The following PADI3 variants were observed in gnomAD, a reference collection of about 807,000 sequenced individuals.
The protein encoded by PADI3 is peptidyl arginine deiminase 3.
A neutral mutation model predicts 71.5 loss-of-function variants in PADI3; 53 were observed. That is an observed-to-expected ratio of 0.74 (90% CI 0.59 to 0.93). PADI3 has a LOEUF of 0.93. PADI3 is among the 40% of genes least tolerant of loss of function. PADI3 has a pLI of 0.00. For synonymous variants in PADI3, 361 were observed against 347.5 expected, an observed-to-expected ratio of 1.04 and a Z score of -0.43; for missense variants, 821 against 868.0, an observed-to-expected ratio of 0.95 and a Z score of 0.68.
At chr1:17,277,020 A>C (rs1569917815) in intron 13 of PADI3, 144 bp downstream of exon 13, 1 of 665,826 alleles carries the variant, frequency 1.5e-6, no homozygotes, top group African/African-American at 1.8e-5. Context: ...GCCCCTGCAC[A>C]CCTTGCTTCA....
At position 17,266,715 on chromosome 1, in the gene PADI3, G is replaced by T. The variant is rs1326446778; in HGVS notation, c.409-4G>T. The T allele has an allele frequency of 1.9e-6, 3 of 1,612,500 alleles. No homozygotes were observed. The highest frequency in any genetic ancestry group is 2.5e-6 in the Non-Finnish European group (3 of 1,178,612). ...CATCACTGGCTATGTTTTGTCATTG[G>T]CAGCGGCAGTGGGTCTGGGGGCCCA... On this transcript the variant is annotated splice_polypyrimidine_tract_variant and splice_region_variant and intron_variant, in intron 4 of 15. Coordinates refer to ENST00000375460, the MANE Select transcript of PADI3 (RefSeq NM_016233.2).
chr1:17,273,377 A>G lies in PADI3; in HGVS notation c.1085A>G (p.Lys362Arg). The part of the protein sequence containing the change: ...MELGYVQAPH[K>R]TLPVVFDSPR... ...CTGGGCTACGTTCAGGCGCCGCACA[A>G]GACCCTCCCGGTGGTCTTTGACTCC... The change falls in exon 10 of 16, where the codon AAG becomes AGG. Residue 362 changes from lysine (K) to arginine (R), a missense_variant. Coordinates refer to ENST00000375460, the MANE Select transcript of PADI3 (RefSeq NM_016233.2). The G allele has an allele frequency of 2.5e-6, 4 of 1,613,730 alleles. No individual in the cohort carries two copies. The highest frequency in any genetic ancestry group is 3.4e-6 in the Non-Finnish European group (4 of 1,179,882).
chr1:17,262,494 T>A (rs2073115598), intron 3 of PADI3, among the ~76,000 whole-genome samples: 1 of 152,204 alleles, frequency 6.6e-6, no homozygotes, highest in South Asian at 2.1e-4. Flanking sequence ...AATGGATACA[T>A]AAACTCCGTG....
chr1:17,262,390 T>G (rs1271563784), intron 3 of PADI3, among the ~76,000 whole-genome samples, 185 bp downstream of exon 3: 1 of 152,206 alleles, frequency 6.6e-6, no homozygotes, highest in African/African-American at 2.4e-5. Flanking sequence ...TACCTGTATA[T>G]CCCCCCTCTT....
intron 13 of PADI3, among the ~76,000 whole-genome samples, chr1:17,279,977 G>C (rs2073381208): frequency 6.6e-6 from 1 of 152,220 alleles, no homozygotes; most frequent in African/African-American, 2.4e-5. Context: ...AAACCTGACT[G>C]ATGGTGGGTG....
intron 9 of PADI3, 64 bp from the exon 10 acceptor site, chr1:17,273,276 C>A: frequency 7.6e-7 from 1 of 1,309,370 alleles, no homozygotes; most frequent in Non-Finnish European, 1.1e-6. Flanking sequence ...GGCTCAGAGC[C>A]GAGCCAGCAG....
At chr1:17,268,104 G>A in intron 6 of PADI3, 142 bp downstream of exon 6, 1 of 900,402 alleles carries the variant, frequency 1.1e-6, no homozygotes, top group Non-Finnish European at 1.7e-6. Context: ...GTCGCAGTAA[G>A]AACAGTCAGA....
At chr1:17,252,554 C>A (rs1376431912) in intron 1 of PADI3, among the ~76,000 whole-genome samples, 7 of 152,094 alleles carry the variant, frequency 4.6e-5, no homozygotes, top group Non-Finnish European at 8.8e-5. Flanking sequence ...CAGGCGTGCA[C>A]CACCATCCCC....
intron 13 of PADI3, 31 bp downstream of exon 13, chr1:17,276,907 GC>G: frequency 6.4e-7 from 1 of 1,563,718 alleles, no homozygotes; most frequent in South Asian, 1.2e-5. Flanking sequence ...CCTCCTTGCG[GC>G]TTGCCTGCCC....
In PADI3 at chr1:17,276,675, G is replaced by A. The variant is rs770897244; in HGVS notation, c.1452+12G>A. On this transcript the variant is annotated intron_variant, in intron 12 of 15. Transcript: ENST00000375460. ...CCCCCGATGGGAAGGTAAGAACTTC[G>A]TGCATGACGTGTCTTTCCCTGGCAT... 104 of 1,613,908 alleles carry A rather than the reference G, an allele frequency of 6.4e-5. No individual in the cohort carries two copies. Among genetic ancestry groups the A allele is most frequent in the Non-Finnish European group, 8.1e-5 (95 of 1,179,990 alleles).
intron 4 of PADI3, among the ~76,000 whole-genome samples, chr1:17,266,254 T>C (rs2100576303): frequency 6.6e-6 from 1 of 152,288 alleles, no homozygotes; most frequent in South Asian, 2.1e-4. Context: ...GACTGAATTA[T>C]GTTGGAACTT....
Position 17,283,149 on chromosome 1 carries a change from C to A in PADI3, c.*70C>A. 2 of 1,205,006 alleles carry A rather than the reference C, an allele frequency of 1.7e-6. No individual in the cohort carries two copies. Among genetic ancestry groups the A allele is most frequent in the Non-Finnish European group, 2.4e-6 (2 of 825,398 alleles). 74.6% of individuals were successfully genotyped at this position (1,205,006 alleles called of 1,614,324 possible). ...CCCAGGTGGTGGAGACAGAGACAGG[C>A]CCCTGAACGATAAGCACCAAGAGAC... On this transcript the variant is annotated 3_prime_UTR_variant, in exon 16 of 16. Coordinates refer to ENST00000375460, the MANE Select transcript of PADI3 (RefSeq NM_016233.2).
chr1:17,258,710 C>T (rs1206119415), intron 1 of PADI3, among the ~76,000 whole-genome samples: 1 of 152,264 alleles, frequency 6.6e-6, no homozygotes, highest in Admixed American at 6.5e-5. Flanking sequence ...GCTCACCTTA[C>T]AGCTTGTAAG....
In PADI3 at chr1:17,271,758, G is replaced by A. The variant is rs550776715; in HGVS notation, c.1047+580G>A. Among the ~76,000 whole-genome samples, 447 of 149,646 alleles carry A rather than the reference G, an allele frequency of 3.0e-3. 3 individuals carry two copies. The highest frequency in any genetic ancestry group is 0.011 in the African/African-American group (428 of 40,590). ...AGCTACTCTGGAGGCTGAGGTCAGA[G>A]GATCACCTGAGTTTAGGAAGGTCAA... On this transcript the variant is annotated intron_variant, in intron 9 of 15. Coordinates refer to ENST00000375460, the MANE Select transcript of PADI3 (RefSeq NM_016233.2).
chr1:17,279,679 C>A (rs1035937242), intron 13 of PADI3, among the ~76,000 whole-genome samples: 2 of 152,184 alleles, frequency 1.3e-5, no homozygotes, highest in African/African-American at 2.4e-5. Flanking sequence ...TAATGCATAC[C>A]TTGTGGGGGT....
chr1:17,271,169 C>T lies in PADI3; in HGVS notation c.1038C>T (p.Arg346=). ...CACAGGCCGAGAACCGCAACGACCG[C>T]TGGATCCAGGTAACCACAGCCACTG... is the stretch of plus-strand genomic sequence containing the variant. The part of the protein sequence containing the change: ...ICPQAENRND[R]WIQDEMELGY... The change falls in exon 9 of 16, where the codon CGC becomes CGT. Residue 346 remains arginine, a synonymous_variant. Coordinates refer to ENST00000375460, the MANE Select transcript of PADI3 (RefSeq NM_016233.2). The T allele has an allele frequency of 6.2e-7, 1 of 1,612,856 alleles. No homozygotes were observed. The highest frequency in any genetic ancestry group is 1.1e-5 in the South Asian group (1 of 91,046).
chr1:17,272,120 T>G (rs1168384487), intron 9 of PADI3, among the ~76,000 whole-genome samples: 1 of 152,102 alleles, frequency 6.6e-6, no homozygotes, highest in Non-Finnish European at 1.5e-5. Context: ...CAGGAGCTCT[T>G]AGGGGAGCAT....
intron 1 of PADI3, among the ~76,000 whole-genome samples, chr1:17,257,465 A>T (rs902097836): frequency 2.0e-5 from 3 of 152,194 alleles, no homozygotes; most frequent in African/African-American, 7.2e-5. Flanking sequence ...CCAAACAATG[A>T]TTGACTGTTC....
intron 13 of PADI3, among the ~76,000 whole-genome samples, chr1:17,277,369 T>G (rs1230506616): frequency 6.6e-6 from 1 of 152,130 alleles, no homozygotes; most frequent in Non-Finnish European, 1.5e-5. Context: ...TAATTTTGTG[T>G]TTTTAGTAGA....
Sources: allele counts gnomAD v4.1 joint callset (sites outside exome capture counted in the v4.1 genomes callset), GRCh38; gene constraint gnomAD v4.1.1; transcripts MANE v1.5; gene names NCBI Gene and HGNC (gene_info 2026-07-23, HGNC 2026-07-21).